The following MIS18BP1 variants were observed in gnomAD, a reference collection of about 807,000 sequenced individuals.
MIS18BP1 encodes MIS18 binding protein 1.
In MIS18BP1, 72 loss-of-function variants were observed where a neutral mutation model predicts 116.1. The ratio of observed to expected loss-of-function variants is 0.62; its 90% CI spans 0.51 to 0.75. The LOEUF (loss-of-function observed/expected upper bound fraction) is 0.75, where lower values mean the gene tolerates loss of function less well. MIS18BP1 is among the 30% of genes least tolerant of loss of function. The pLI is 0.00. For missense variants in MIS18BP1, 1,363 were observed against 1,303.2 expected (o/e 1.05, Z -0.71); for synonymous variants, 386 against 427.0 (o/e 0.90, Z 1.18).
chr14:45,212,138 T>C (rs1244406081), intron 13 of MIS18BP1, among the ~76,000 whole-genome samples: 2 of 152,200 alleles, frequency 1.3e-5, no homozygotes, highest in African/African-American at 4.8e-5. Flanking sequence ...GCAAGGAGTT[T>C]GGAACTCTAC....
At chr14:45,219,764 C>T (rs1333541272) in intron 11 of MIS18BP1, among the ~76,000 whole-genome samples, 7 of 152,132 alleles carry the variant, frequency 4.6e-5, no homozygotes, top group Admixed American at 3.9e-4. Context: ...CTAAAGTGAA[C>T]AACTAGAAGG....
chr14:45,204,486 T>A (rs1363880481), intron 15 of MIS18BP1, 33 bp from the exon 16 acceptor site: 6 of 1,515,238 alleles, frequency 4.0e-6, no homozygotes, highest in Non-Finnish European at 5.4e-6. Context: ...AGCTAAATGG[T>A]ACCTCCTGGT....
At chr14:45,252,200 C>A (rs986108798) in intron 1 of MIS18BP1, among the ~76,000 whole-genome samples, 2 of 152,164 alleles carry the variant, frequency 1.3e-5, no homozygotes, top group East Asian at 3.9e-4. Context: ...ACCCACTACA[C>A]AGGGAAGTTC....
chr14:45,252,296 T>C (rs1388165016), intron 1 of MIS18BP1, among the ~76,000 whole-genome samples: 1 of 152,212 alleles, frequency 6.6e-6, no homozygotes, highest in Non-Finnish European at 1.5e-5. Flanking sequence ...CAATTTACTC[T>C]ATGTATTCAA....
In MIS18BP1 at chr14:45,242,178, TG is replaced by T; in HGVS notation, c.998del (p.Pro333GlnfsTer4). 4 of 1,614,146 alleles carry T rather than the reference TG, an allele frequency of 2.5e-6. No homozygotes were observed. The highest frequency in any genetic ancestry group is 3.4e-6 in the Non-Finnish European group (4 of 1,179,998). ...TTTTACATGTATCTTTCATGGAACCTGGAAGACCTGTCTCTCCAGGCACTGT... is the reference window on the plus strand; with the variant it reads ...TTTTACATGTATCTTTCATGGAACCTGAAGACCTGTCTCTCCAGGCACTGT... ...GKTVPGETGL[P>X]GSMKDTCKIV... On this transcript the variant is annotated frameshift_variant, in exon 4 of 17. Transcript: ENST00000310806. LOFTEE classifies it high-confidence loss of function.
intron 2 of MIS18BP1, among the ~76,000 whole-genome samples, chr14:45,246,134 C>A (rs1161866755): frequency 6.6e-6 from 1 of 152,078 alleles, no homozygotes; most frequent in Non-Finnish European, 1.5e-5. Context: ...TAAAAAACAA[C>A]AAAAAAACCC....
chr14:45,210,617 GTTC>G, intron 13 of MIS18BP1, 89 bp from the exon 14 acceptor site: 4 of 1,490,674 alleles, frequency 2.7e-6, no homozygotes, highest in Non-Finnish European at 3.7e-6. Context: ...TGATAAGTTG[GTTC>G]TTCTTGTAAC....
chr14:45,243,111 C>A (rs775420037), intron 2 of MIS18BP1, among the ~76,000 whole-genome samples: 2 of 152,056 alleles, frequency 1.3e-5, no homozygotes, highest in Non-Finnish European at 2.9e-5. Context: ...TTTTTAAAAC[C>A]TTCTCTGAAC....
chr14:45,246,215 A>C (rs1566823088), intron 2 of MIS18BP1, among the ~76,000 whole-genome samples: 1 of 152,196 alleles, frequency 6.6e-6, no homozygotes, highest in Admixed American at 6.5e-5. Flanking sequence ...AGTAAAGGCC[A>C]AAACTCTTAC....
At chr14:45,229,927 A>G (rs977819266) in intron 8 of MIS18BP1, among the ~76,000 whole-genome samples, 2 of 152,244 alleles carry the variant, frequency 1.3e-5, no homozygotes, top group Non-Finnish European at 2.9e-5. Flanking sequence ...GGGCAATGGT[A>G]AGTGACTTTT....
At position 45,203,381 on chromosome 14, in the gene MIS18BP1, G is replaced by T. The variant is rs1395562568; in HGVS notation, c.*728C>A. The T allele has an allele frequency of 1.3e-5, 2 of 151,984 alleles. No homozygotes were observed. The highest frequency in any genetic ancestry group is 4.8e-5 in the African/African-American group (2 of 41,378). 9.4% of individuals were successfully genotyped at this position (151,984 alleles called of 1,614,324 possible). On this transcript the variant is annotated 3_prime_UTR_variant, in exon 17 of 17. Transcript: ENST00000310806. ...TGACATAATATATTGATTCCTAATG[G>T]TGGATCTATTAACTGTTTGTCTAAT... is the stretch of plus-strand genomic sequence containing the variant.
In MIS18BP1 at chr14:45,204,466, T is replaced by C. The variant is rs1192267888; in HGVS notation, c.3241-13A>G. 1 of 1,576,574 alleles carries C rather than the reference T, an allele frequency of 6.3e-7. No homozygotes were observed. Among genetic ancestry groups the C allele is most frequent in the African/African-American group, 1.4e-5 (1 of 72,644 alleles). ...AATCAGTTTCAACCTATAAAAGAGT[T>C]ACTATTAATAGCTAAATGGTACCTC... On this transcript the variant is annotated splice_polypyrimidine_tract_variant and intron_variant, in intron 15 of 16. Transcript: ENST00000310806.
At chr14:45,241,741 C>G in intron 4 of MIS18BP1, 1 of 236,904 alleles carries the variant, frequency 4.2e-6, no homozygotes, top group Non-Finnish European at 8.2e-6. Context: ...GGAATGAATT[C>G]AATGTTCATC....
In MIS18BP1 at chr14:45,237,518, T is replaced by C. The variant is rs186646025; in HGVS notation, c.1217+130A>G. The C allele has an allele frequency of 6.3e-6, 7 of 1,102,898 alleles. No individual in the cohort carries two copies. In the East Asian group the frequency reaches 1.6e-4, roughly 25 times the overall value. 68.3% of individuals were successfully genotyped at this position (1,102,898 alleles called of 1,614,324 possible). The stretch of plus-strand genomic sequence containing the variant: ...GCTAGGACCTGCACAGTAATTTTAC[T>C]TTTTTGCCTTCAGTTCATAACCTTG... On this transcript the variant is annotated intron_variant, in intron 5 of 16. Transcript: ENST00000310806.
rs1173527077 is a variant in MIS18BP1 at position 45,226,719 on chromosome 14, A to T, written c.1840+24T>A. On this transcript the variant is annotated intron_variant, in intron 10 of 16. Transcript: ENST00000310806. The stretch of plus-strand genomic sequence containing the variant: ...ACATAGTAGCTTTCTGCTTATGATT[A>T]AAAAACCATTAAAGATATATTACCT... 8 of 1,328,146 alleles carry T rather than the reference A, an allele frequency of 6.0e-6. No homozygotes were observed. The Admixed American group carries it at 3.1e-4, about 51-fold the overall frequency. 82.3% of individuals were successfully genotyped at this position (1,328,146 alleles called of 1,614,324 possible).
chr14:45,242,000 T>C (rs755485082), intron 4 of MIS18BP1, 34 bp downstream of exon 4: 44 of 1,548,732 alleles, frequency 2.8e-5, no homozygotes, highest in Admixed American at 1.2e-4. Flanking sequence ...GGGGTAAAAA[T>C]AGAAATAAAT....
At chr14:45,221,294 C>T (rs1366863129) in intron 11 of MIS18BP1, among the ~76,000 whole-genome samples, 7 of 150,892 alleles carry the variant, frequency 4.6e-5, no homozygotes, top group Non-Finnish European at 1.5e-5. Flanking sequence ...AAAAATTAGC[C>T]GGCGTGGTCG....
chr14:45,207,906 G>A (rs913109754), intron 14 of MIS18BP1, among the ~76,000 whole-genome samples: 17 of 152,008 alleles, frequency 1.1e-4, no homozygotes, highest in African/African-American at 3.9e-4. Flanking sequence ...TGAATCTATC[G>A]TGTTTCTTTA....
rs774186928 is a variant in MIS18BP1, at chr14:45,246,897, T to A, written c.390A>T (p.Pro130=). ...EKVLRDKQEQ[P]SRNSSLLEPQ... ...GTTCCAACAAACTACTGTTTCTTGA[T>A]GGCTGTTCTTGCTTGTCACGCAGTA... The change falls in exon 2 of 17, where the codon CCA becomes CCT. Residue 130 remains proline (P), a synonymous_variant. Transcript: ENST00000310806. 18 of 1,611,836 alleles carry A rather than the reference T, an allele frequency of 1.1e-5. No homozygotes were observed. Among genetic ancestry groups the A allele is most frequent in the Non-Finnish European group, 2.5e-6 (3 of 1,179,574 alleles).
Sources: gnomAD v4.1 joint callset for allele counts (sites outside exome capture counted in the v4.1 genomes callset) on GRCh38, gnomAD v4.1.1 for gene constraint, MANE v1.5 for transcripts, NCBI Gene and HGNC (gene_info 2026-07-23, HGNC 2026-07-21) for gene names.